The following PCBP3 variants were observed in gnomAD, a reference collection of about 807,000 sequenced individuals.
PCBP3 encodes poly(rC) binding protein 3.
A neutral mutation model predicts 52.7 loss-of-function variants in PCBP3; 25 were observed. The ratio of observed to expected loss-of-function variants is 0.47; its 90% CI spans 0.35 to 0.66. The LOEUF (loss-of-function observed/expected upper bound fraction) is 0.66. Ranked by LOEUF, PCBP3 falls within the 30% of genes least tolerant of loss-of-function variation. The probability of loss-of-function intolerance (pLI) is 0.01; values close to 1 mark genes in which losing one functional copy is unlikely to be tolerated. For synonymous variants in PCBP3, 162 were observed against 183.0 expected, an observed-to-expected ratio of 0.89 and a Z score of 0.93; for missense variants, 391 against 490.3, an observed-to-expected ratio of 0.80 and a Z score of 1.91.
At position 45,830,811 on chromosome 21, in the gene PCBP3, A is replaced by T. The variant is rs2093428307; in HGVS notation, c.-125-19150A>T. ...CGAACATTTATAAGCCAGTATTATG[A>T]TGCCGAAAATGTTTCATGATGAGGC... is the stretch of plus-strand genomic sequence containing the variant. On this transcript the variant is annotated intron_variant, in intron 4 of 17. Coordinates refer to ENST00000681687, the MANE Select transcript of PCBP3 (RefSeq NM_001384156.1). This position sits in a 1 kb window ranked among gnomAD's most constrained non-coding sequence, Gnocchi z 4.4. 1 of 152,256 alleles carries T rather than the reference A, an allele frequency of 6.6e-6. No homozygotes were observed. The highest frequency in any genetic ancestry group is 1.5e-5 in the Non-Finnish European group (1 of 68,048). 9.4% of individuals were successfully genotyped at this position (152,256 alleles called of 1,614,324 possible).
chr21:45,787,663 C>A (rs2091256182), intron 4 of PCBP3, among the ~76,000 whole-genome samples: 1 of 152,172 alleles, frequency 6.6e-6, no homozygotes, highest in Non-Finnish European at 1.5e-5. Context: ...CACTGGCATT[C>A]CTGCCCACAC....
At chr21:45,698,527 C>G (rs1173725494) in intron 2 of PCBP3, among the ~76,000 whole-genome samples, 4 of 152,236 alleles carry the variant, frequency 2.6e-5, no homozygotes, top group Non-Finnish European at 5.9e-5. Context: ...CTGATGAAAG[C>G]AAGGACCAGC....
chr21:45,747,100 C>T (rs1350238858), intron 3 of PCBP3, among the ~76,000 whole-genome samples: 1 of 152,214 alleles, frequency 6.6e-6, no homozygotes, highest in Non-Finnish European at 1.5e-5. Context: ...GACTCAGTTC[C>T]ACATGGCTGG....
At chr21:45,854,666 C>T (rs1371086082) in intron 5 of PCBP3, among the ~76,000 whole-genome samples, 2 of 152,358 alleles carry the variant, frequency 1.3e-5, no homozygotes, top group East Asian at 1.9e-4. Context: ...AGGCTTCACC[C>T]GTTTGGCTGT....
In PCBP3 at chr21:45,800,474, GT is replaced by G. The variant is rs1569240550; in HGVS notation, c.-126+45023del. 6.6e-6 allele frequency among the ~76,000 whole-genome samples: 1 copy of G among 152,198 alleles called. No homozygotes were observed. Among genetic ancestry groups the G allele is most frequent in the East Asian group, 1.9e-4 (1 of 5,186 alleles). On this transcript the variant is annotated intron_variant, in intron 4 of 17. Transcript: ENST00000681687. This position sits in a 1 kb window ranked among gnomAD's most constrained non-coding sequence, Gnocchi z 5.3. ...TGAGCCCAACTGGCTCCAAACAGGC[GT>G]GTTGTGGGCGTGTCCTGAGGTGTGT...
At chr21:45,646,145 G>GTGTGTT (rs2079298378) in intron 1 of PCBP3, among the ~76,000 whole-genome samples, 1 of 147,408 alleles carries the variant, frequency 6.8e-6, no homozygotes, top group Non-Finnish European at 1.5e-5. Context: ...GTGTGTGTGT[G>GTGTGTT]TTTTGGGGCA....
intron 13 of PCBP3, among the ~76,000 whole-genome samples, chr21:45,925,436 A>C (rs565138837): frequency 1.3e-5 from 2 of 152,386 alleles, no homozygotes; most frequent in East Asian, 3.9e-4. Context: ...TTAGAAAACA[A>C]GTGTCAAAAA....
In PCBP3 at chr21:45,736,954, GAC is replaced by G. The variant is rs570604413; in HGVS notation, c.-162+1528_-162+1529del. On this transcript the variant is annotated intron_variant, in intron 3 of 17. Transcript: ENST00000681687. This position sits in a 1 kb window ranked among gnomAD's most constrained non-coding sequence, Gnocchi z 4.6. ...GAATAGGCCGTCAGGTCAGCCCTGA[GAC>G]ACGGGGCATCTGCGCGAGTCTTGCT... is the stretch of plus-strand genomic sequence containing the variant. 2.1e-4 allele frequency among the ~76,000 whole-genome samples: 32 copies of G among 152,200 alleles called. No homozygotes were observed. Among genetic ancestry groups the G allele is most frequent in the Non-Finnish European group, 4.3e-4 (29 of 68,008 alleles).
At chr21:45,659,094 A>G (rs183049087) in intron 1 of PCBP3, among the ~76,000 whole-genome samples, 54 of 150,462 alleles carry the variant, frequency 3.6e-4, no homozygotes, top group African/African-American at 1.2e-3. Flanking sequence ...TTTTTAAAAA[A>G]AAAACTTTGG....
intron 4 of PCBP3, among the ~76,000 whole-genome samples, chr21:45,793,967 C>T (rs2091776946): frequency 6.6e-6 from 1 of 152,010 alleles, no homozygotes; most frequent in Admixed American, 6.5e-5. Flanking sequence ...GTTTTGATTC[C>T]ACAAATAATG....
intron 1 of PCBP3, among the ~76,000 whole-genome samples, chr21:45,648,384 T>C (rs1160105912): frequency 6.6e-6 from 1 of 152,198 alleles, no homozygotes; most frequent in Admixed American, 6.5e-5. Context: ...AGTTCTATTC[T>C]CTATTTCACC....
intron 2 of PCBP3, among the ~76,000 whole-genome samples, chr21:45,684,726 A>C (rs1292584304): frequency 1.3e-5 from 2 of 152,224 alleles, no homozygotes; most frequent in Non-Finnish European, 1.5e-5. Flanking sequence ...CCGCAGAGCC[A>C]TGAGCCAAAA....
chr21:45,745,253 T>C (rs2086741919), intron 3 of PCBP3, among the ~76,000 whole-genome samples: 1 of 152,020 alleles, frequency 6.6e-6, no homozygotes, highest in Non-Finnish European at 1.5e-5. Context: ...GAGGGGACGG[T>C]GTGGGGCATA....
chr21:45,892,000 GA>G (rs1346990629), intron 5 of PCBP3, among the ~76,000 whole-genome samples: 1 of 152,220 alleles, frequency 6.6e-6, no homozygotes, highest in African/African-American at 2.4e-5. Flanking sequence ...CACAGGGTCA[GA>G]ATCTAATGTA....
At chr21:45,720,194 T>C (rs2084525770) in intron 2 of PCBP3, among the ~76,000 whole-genome samples, 1 of 152,170 alleles carries the variant, frequency 6.6e-6, no homozygotes, top group Admixed American at 6.5e-5. Flanking sequence ...ACATCAGGTA[T>C]TTCTCCTAAT....
intron 5 of PCBP3, among the ~76,000 whole-genome samples, chr21:45,852,918 G>A (rs940224355): frequency 2.0e-5 from 3 of 152,226 alleles, no homozygotes; most frequent in African/African-American, 4.8e-5. Flanking sequence ...GTGAAGGATC[G>A]GAAAGACAGT....
intron 4 of PCBP3, among the ~76,000 whole-genome samples, chr21:45,840,059 A>G (rs903342804): frequency 6.6e-6 from 1 of 152,162 alleles, no homozygotes; most frequent in East Asian, 1.9e-4. Flanking sequence ...GAAGCTTATA[A>G]AATAAAGATA....
intron 13 of PCBP3, chr21:45,919,345 G>T (rs1328046134): frequency 6.6e-6 from 1 of 152,280 alleles, no homozygotes; most frequent in African/African-American, 2.4e-5. Context: ...CCAGGTGAGC[G>T]GGCTGCTCCA....
chr21:45,808,063 C>G (rs1270771557), intron 4 of PCBP3, among the ~76,000 whole-genome samples: 1 of 152,174 alleles, frequency 6.6e-6, no homozygotes, highest in African/African-American at 2.4e-5. Context: ...GGATTAAAGA[C>G]TTACATATAA....
Sources: allele counts gnomAD v4.1 joint callset (sites outside exome capture counted in the v4.1 genomes callset), GRCh38; gene constraint gnomAD v4.1.1; non-coding constraint Gnocchi (gnomAD v3.1); transcripts MANE v1.5; gene names NCBI Gene and HGNC (gene_info 2026-07-23, HGNC 2026-07-21).